The following SLC4A10 variants were observed in gnomAD, a reference collection of about 807,000 sequenced individuals.
SLC4A10 encodes the protein sodium-driven chloride bicarbonate exchanger.
In SLC4A10, 42 loss-of-function variants were observed where a neutral mutation model predicts 137.7. The ratio of observed to expected loss-of-function variants is 0.30; its 90% CI spans 0.24 to 0.39. SLC4A10 has a LOEUF of 0.39. Among genes scored for constraint, SLC4A10 ranks in the 10% least tolerant of loss-of-function variants. The pLI is 1.00. For missense variants in SLC4A10, 925 were observed against 1,355.0 expected, an observed-to-expected ratio of 0.68 and a Z score of 4.98; for synonymous variants, 474 against 464.1, an observed-to-expected ratio of 1.02 and a Z score of -0.27.
intron 1 of SLC4A10, among the ~76,000 whole-genome samples, chr2:161,629,938 C>G (rs1438457584): frequency 2.0e-5 from 3 of 151,524 alleles, no homozygotes; most frequent in Non-Finnish European, 4.4e-5. Context: ...ATCCATATAC[C>G]CACTGAAAAA....
In SLC4A10 at chr2:161,934,310, C is replaced by T. The variant is rs184397783; in HGVS notation, c.1998-8482C>T. On this transcript the variant is annotated intron_variant, in intron 15 of 26. Transcript: ENST00000446997. ...CATTAACCACCCCCACTTGCCTGCC[C>T]ACCCCTCATTACCCTTCCCAGCCTC... Among the ~76,000 whole-genome samples, 7 of 152,282 alleles carry T rather than the reference C, an allele frequency of 4.6e-5. No homozygotes were observed. In the East Asian group the frequency reaches 1.4e-3, roughly 29 times the overall value.
chr2:161,764,829 T>C (rs1214954993), intron 1 of SLC4A10, among the ~76,000 whole-genome samples: 1 of 152,134 alleles, frequency 6.6e-6, no homozygotes, highest in Non-Finnish European at 1.5e-5. Context: ...CTCTCTAATA[T>C]TTGCTTAGTA....
Position 161,947,624 on chromosome 2 carries a change from A to G in SLC4A10, c.2162A>G (p.Tyr721Cys), listed in dbSNP as rs1694065388. 6.2e-7 allele frequency: 1 copy of G among 1,613,262 alleles called. No individual in the cohort carries two copies. The highest frequency in any genetic ancestry group is 8.5e-7 in the Non-Finnish European group (1 of 1,179,404). The change falls in exon 17 of 27, where the codon TAT (tyrosine) becomes TGT (cysteine). Residue 721 changes from tyrosine to cysteine, a missense_variant. Physicochemically the swap from Tyr to Cys is radical, Grantham distance 194. This residue lies in a region of SLC4A10 where 82 missense variants were observed against 151.4 expected (regional missense o/e 0.54). Transcript: ENST00000446997. ...CGGGCCTGTGGCCATGATCACCCAT[A>G]TGTTCCAGATGTTCTATTTTGGTCT... ...VGRACGHDHPYVPDVLFWSVI... is the reference protein window; with the variant it reads ...VGRACGHDHPCVPDVLFWSVI...
chr2:161,842,068 T>C (rs1369933494), intron 4 of SLC4A10, among the ~76,000 whole-genome samples: 2 of 152,214 alleles, frequency 1.3e-5, no homozygotes, highest in Non-Finnish European at 2.9e-5. Context: ...TGAACTTTCA[T>C]TTATTTATTT....
intron 1 of SLC4A10, among the ~76,000 whole-genome samples, chr2:161,644,310 A>G (rs552342344): frequency 1.3e-5 from 2 of 152,044 alleles, no homozygotes; most frequent in Non-Finnish European, 2.9e-5. Flanking sequence ...TAGCCTGGCA[A>G]CACAGCGAGG....
chr2:161,770,879 A>G (rs1296380371), intron 1 of SLC4A10, 94 bp from the exon 2 acceptor site: 2 of 821,478 alleles, frequency 2.4e-6, no homozygotes, highest in Non-Finnish European at 3.9e-6. Context: ...TGACTGAATT[A>G]AGCCTTGAAA....
chr2:161,637,055 A>G (rs1415770318), intron 1 of SLC4A10, among the ~76,000 whole-genome samples: 1 of 139,420 alleles, frequency 7.2e-6, no homozygotes, highest in East Asian at 2.1e-4. Context: ...ATAGATATAT[A>G]TGTATATATC....
chr2:161,904,933 C>T (rs1355635437), intron 14 of SLC4A10, 24 bp downstream of exon 14: 2 of 1,611,032 alleles, frequency 1.2e-6, no homozygotes, highest in African/African-American at 1.3e-5. Flanking sequence ...ACTTTTTGGC[C>T]CTTAGCCTCT....
chr2:161,904,993 G>A (rs1684006748), intron 14 of SLC4A10, 84 bp downstream of exon 14: 5 of 1,405,510 alleles, frequency 3.6e-6, no homozygotes, highest in Non-Finnish European at 4.8e-6. Flanking sequence ...ACTTTTGGAG[G>A]TCTGTTGATA....
intron 3 of SLC4A10, among the ~76,000 whole-genome samples, chr2:161,824,486 G>A (rs771887239): frequency 3.9e-5 from 6 of 152,242 alleles, no homozygotes; most frequent in East Asian, 1.9e-4. Flanking sequence ...TGAATATGGC[G>A]AAAAAGGTGG....
At chr2:161,948,269 T>A (rs75023897) in intron 17 of SLC4A10, among the ~76,000 whole-genome samples, 2,635 of 151,834 alleles carry the variant, frequency 0.017, 78 homozygotes, top group African/African-American at 0.06. Context: ...CCAAAAAAAA[T>A]TTAAAAAAAG....
intron 15 of SLC4A10, among the ~76,000 whole-genome samples, chr2:161,929,526 A>G (rs1365512477): frequency 6.6e-6 from 1 of 152,174 alleles, no homozygotes; most frequent in African/African-American, 2.4e-5. Flanking sequence ...ACATGCACCT[A>G]AGCTAGGGAC....
chr2:161,831,082 T>G (rs1277027083), intron 3 of SLC4A10, among the ~76,000 whole-genome samples: 2 of 152,100 alleles, frequency 1.3e-5, no homozygotes, highest in African/African-American at 2.4e-5. Context: ...TTAAGAGTCT[T>G]AAAGAAGGCT....
intron 1 of SLC4A10, among the ~76,000 whole-genome samples, chr2:161,642,363 G>C (rs6753280): frequency 0.044 from 6,752 of 151,834 alleles, 476 homozygotes; most frequent in African/African-American, 0.15. Context: ...GGTTCAAAAA[G>C]TATCTTGAAT....
chr2:161,824,854 C>T (rs2057908327), intron 3 of SLC4A10, among the ~76,000 whole-genome samples: 1 of 152,114 alleles, frequency 6.6e-6, no homozygotes, highest in Admixed American at 6.6e-5. Context: ...CATAAAGTTA[C>T]ATCAAGTGTG....
chr2:161,713,296 C>A (rs562396141), intron 1 of SLC4A10, among the ~76,000 whole-genome samples: 1 of 151,588 alleles, frequency 6.6e-6, no homozygotes, highest in South Asian at 2.1e-4. Flanking sequence ...ATAAAAAAAA[C>A]AAAAGAGCAG....
At chr2:161,858,549 C>G (rs2060228015) in intron 5 of SLC4A10, among the ~76,000 whole-genome samples, 1 of 152,092 alleles carries the variant, frequency 6.6e-6, no homozygotes, top group Non-Finnish European at 1.5e-5. Context: ...ATCCAAAATT[C>G]TCCAGATATA....
chr2:161,947,529 T>C (rs919461350), intron 16 of SLC4A10, 37 bp from the exon 17 acceptor site: 1 of 1,591,744 alleles, frequency 6.3e-7, no homozygotes, highest in Admixed American at 1.8e-5. Flanking sequence ...GTCCGGTTTT[T>C]TCTTAGTAGC....
At chr2:161,923,342 G>A (rs1373528210) in intron 15 of SLC4A10, among the ~76,000 whole-genome samples, 8 of 152,140 alleles carry the variant, frequency 5.3e-5, no homozygotes, top group African/African-American at 1.9e-4. Context: ...GTAGAGAAGT[G>A]CAGATACAAC....
Sources: allele counts gnomAD v4.1 joint callset (sites outside exome capture counted in the v4.1 genomes callset), GRCh38; gene constraint gnomAD v4.1.1; regional missense constraint gnomAD v4.1.1; transcripts MANE v1.5; gene names NCBI Gene and HGNC (gene_info 2026-07-23, HGNC 2026-07-21).